Variants in FARS2 observed in about 807,000 individuals in gnomAD.
FARS2 encodes phenylalanyl-tRNA synthetase 2, mitochondrial, also known as phenylalanine--tRNA ligase, mitochondrial.
Under a neutral mutation model 46.4 loss-of-function variants are expected in FARS2, and 40 were observed. The ratio of observed to expected loss-of-function variants is 0.86; its 90% CI spans 0.67 to 1.12. The LOEUF (loss-of-function observed/expected upper bound fraction) is 1.12. Among genes scored for constraint, FARS2 ranks in the 50% most tolerant of loss-of-function variants. The probability of loss-of-function intolerance (pLI) is 0.00; values close to 1 mark genes in which losing one functional copy is unlikely to be tolerated. For synonymous variants in FARS2, 234 were observed against 214.9 expected (o/e 1.09, Z -0.78); for missense variants, 513 against 567.9 (o/e 0.90, Z 0.98).
At chr6:5,553,822 G>A (rs1409732869) in intron 5 of FARS2, among the ~76,000 whole-genome samples, 1 of 152,084 alleles carries the variant, frequency 6.6e-6, no homozygotes, top group Non-Finnish European at 1.5e-5. Flanking sequence ...CAGTCTCCCA[G>A]GTGAAGCTCA....
At chr6:5,628,763 G>A (rs532085675) in intron 6 of FARS2, among the ~76,000 whole-genome samples, 17 of 152,208 alleles carry the variant, frequency 1.1e-4, no homozygotes, top group Admixed American at 3.3e-4. Flanking sequence ...GCGCCCAGCC[G>A]CATGCTGCCC....
intron 4 of FARS2, among the ~76,000 whole-genome samples, chr6:5,470,020 A>G (rs965191577): frequency 2.0e-5 from 3 of 152,270 alleles, no homozygotes; most frequent in African/African-American, 7.2e-5. Context: ...CAGAGCACTT[A>G]GAATAGTTTC....
intron 2 of FARS2, among the ~76,000 whole-genome samples, chr6:5,392,034 G>A (rs1334763810): frequency 1.3e-5 from 2 of 152,088 alleles, no homozygotes; most frequent in Non-Finnish European, 2.9e-5. Context: ...TGTTGGGTGC[G>A]ATTAATGGAA....
chr6:5,303,986 A>T (rs1432121642), intron 1 of FARS2, among the ~76,000 whole-genome samples: 2 of 152,068 alleles, frequency 1.3e-5, no homozygotes, highest in Admixed American at 6.6e-5. Context: ...CGTCCGTAGA[A>T]TGCTAATGGT....
intron 6 of FARS2, among the ~76,000 whole-genome samples, chr6:5,739,678 A>T (rs1206565107): frequency 6.6e-6 from 1 of 152,154 alleles, no homozygotes; most frequent in Non-Finnish European, 1.5e-5. Flanking sequence ...GTTAGAAAAT[A>T]ATCTTCCTTC....
chr6:5,701,872 C>T (rs1052609384), intron 6 of FARS2, among the ~76,000 whole-genome samples: 2 of 152,126 alleles, frequency 1.3e-5, no homozygotes, highest in African/African-American at 4.8e-5. Flanking sequence ...AGTCGTGATG[C>T]TTTTCATTAC....
chr6:5,285,859 T>TC (rs1767072939), intron 1 of FARS2, among the ~76,000 whole-genome samples: 1 of 152,188 alleles, frequency 6.6e-6, no homozygotes, highest in Non-Finnish European at 1.5e-5. Flanking sequence ...GGGTGCTGCT[T>TC]CTTTGCACGG....
At chr6:5,771,123 A>G (rs1233608099) in intron 6 of FARS2, among the ~76,000 whole-genome samples, 168 bp from the exon 7 acceptor site, 3 of 152,136 alleles carry the variant, frequency 2.0e-5, no homozygotes, top group African/African-American at 7.2e-5. Flanking sequence ...CCTGACTGTC[A>G]CCTTCTCCCC....
intron 6 of FARS2, among the ~76,000 whole-genome samples, chr6:5,719,442 G>GAGAGAAAGGGAGAAAGAA (rs1759738720): frequency 6.9e-6 from 1 of 144,582 alleles, no homozygotes; most frequent in South Asian, 2.3e-4. Context: ...AGGAAAGAAA[G>GAGAGAAAGGGAGAAAGAA]AGAGAAAGAG....
At chr6:5,392,849 AT>A (rs1312174819) in intron 2 of FARS2, among the ~76,000 whole-genome samples, 1 of 103,082 alleles carries the variant, frequency 9.7e-6, no homozygotes, top group Non-Finnish European at 2.2e-5. Context: ...GTGTGTATAT[AT>A]TATATGTGTG....
intron 1 of FARS2, among the ~76,000 whole-genome samples, chr6:5,349,791 A>T (rs1416040372): frequency 6.6e-6 from 1 of 151,860 alleles, no homozygotes; most frequent in Non-Finnish European, 1.5e-5. Context: ...TGACTTTGAC[A>T]ATTTAAAGAA....
intron 4 of FARS2, among the ~76,000 whole-genome samples, chr6:5,533,280 T>G (rs1282826070): frequency 2.0e-5 from 3 of 152,168 alleles, no homozygotes; most frequent in Non-Finnish European, 4.4e-5. Flanking sequence ...TTTTCAGAAA[T>G]GGCACCCCCA....
Position 5,443,807 on chromosome 6 carries a change from A to G in FARS2, c.904+12635A>G, listed in dbSNP as rs578224589. ...TTCTTTTTCAGCTTACCGAGGGCTC[A>G]TAGAATGCTTAAGAGTCTCTCTTCC... is the stretch of plus-strand genomic sequence containing the variant. On this transcript the variant is annotated intron_variant, in intron 4 of 6. Transcript: ENST00000274680. Among the ~76,000 whole-genome samples the G allele has an allele frequency of 5.2e-4, 79 of 152,374 alleles. 1 individual carries two copies. Among genetic ancestry groups the G allele is most frequent in the Middle Eastern group, 3.4e-3 (1 of 294 alleles).
intron 4 of FARS2, among the ~76,000 whole-genome samples, chr6:5,543,411 C>T (rs1421883404): frequency 1.4e-5 from 2 of 147,714 alleles, no homozygotes; most frequent in Non-Finnish European, 3.0e-5. Context: ...GTGGACCAAG[C>T]TGGAGTGCCA....
chr6:5,493,997 C>T lies in FARS2; in HGVS notation c.905-51183C>T, dbSNP rs114899396. On this transcript the variant is annotated intron_variant, in intron 4 of 6. Coordinates refer to ENST00000274680, the MANE Select transcript of FARS2 (RefSeq NM_006567.5). ...GTGATACAATGACAGTGAGTGCCAG[C>T]GCTATTTCAGCAGCAAGAATTATTG... 7.9e-3 allele frequency among the ~76,000 whole-genome samples: 1,210 copies of T among 152,228 alleles called. 16 individuals carry two copies. Among genetic ancestry groups the T allele is most frequent in the African/African-American group, 0.026 (1,092 of 41,538 alleles).
intron 1 of FARS2, among the ~76,000 whole-genome samples, chr6:5,347,060 C>T (rs1005859938): frequency 2.6e-5 from 4 of 152,052 alleles, no homozygotes; most frequent in South Asian, 4.2e-4. Context: ...ATTACAGTCA[C>T]CCACCACCAC....
chr6:5,525,069 G>A (rs1234069303), intron 4 of FARS2, among the ~76,000 whole-genome samples: 1 of 151,896 alleles, frequency 6.6e-6, no homozygotes, highest in East Asian at 1.9e-4. Context: ...GCAAAAGGGT[G>A]GTGTTCCTTC....
intron 6 of FARS2, among the ~76,000 whole-genome samples, chr6:5,663,839 G>A (rs1160163650): frequency 6.6e-6 from 1 of 152,230 alleles, no homozygotes; most frequent in Non-Finnish European, 1.5e-5. Flanking sequence ...ACCAGGTCTT[G>A]CTCCTTAGAT....
chr6:5,600,686 T>C (rs1485160371), intron 5 of FARS2, among the ~76,000 whole-genome samples: 1 of 152,198 alleles, frequency 6.6e-6, no homozygotes, highest in Non-Finnish European at 1.5e-5. Flanking sequence ...CACGATCGCA[T>C]GGGCTATAAA....
Sources: gnomAD v4.1 joint callset for allele counts (sites outside exome capture counted in the v4.1 genomes callset) on GRCh38, gnomAD v4.1.1 for gene constraint, MANE v1.5 for transcripts, NCBI Gene and HGNC (gene_info 2026-07-23, HGNC 2026-07-21) for gene names.